Variants in SHOC1 observed in about 807,000 individuals in gnomAD.
The protein encoded by SHOC1 is protein shortage in chiasmata 1 ortholog.
A neutral mutation model predicts 179.2 loss-of-function variants in SHOC1; 136 were observed. The ratio of observed to expected loss-of-function variants is 0.76; its 90% CI spans 0.66 to 0.87. The LOEUF (loss-of-function observed/expected upper bound fraction) is 0.87. Among genes scored for constraint, SHOC1 ranks in the 40% least tolerant of loss-of-function variants. The pLI is 0.00. For missense variants in SHOC1, 1,538 were observed against 1,700.8 expected, an observed-to-expected ratio of 0.90 and a Z score of 1.68; for synonymous variants, 489 against 586.6, an observed-to-expected ratio of 0.83 and a Z score of 2.41.
intron 12 of SHOC1, among the ~76,000 whole-genome samples, chr9:111,730,367 C>G (rs1277898461): frequency 1.3e-5 from 2 of 152,170 alleles, no homozygotes; most frequent in African/African-American, 2.4e-5. Context: ...GAATCACTAT[C>G]TATGGCAGCT....
At chr9:111,792,424 T>G (rs182458029) in intron 1 of SHOC1, among the ~76,000 whole-genome samples, 24 of 152,132 alleles carry the variant, frequency 1.6e-4, no homozygotes, top group Non-Finnish European at 3.4e-4. Flanking sequence ...AAATACAAAA[T>G]TTTTGTATCT....
chr9:111,788,694 G>A (rs1836348815), intron 2 of SHOC1, among the ~76,000 whole-genome samples: 1 of 151,990 alleles, frequency 6.6e-6, no homozygotes, highest in Non-Finnish European at 1.5e-5. Context: ...AGTATAATGT[G>A]GATGCTTAAC....
At position 111,762,102 on chromosome 9, in the gene SHOC1, A is replaced by T. The variant is rs115415556; in HGVS notation, c.443-3254T>A. On this transcript the variant is annotated intron_variant, in intron 5 of 27. Coordinates refer to ENST00000682961, the MANE Select transcript of SHOC1 (RefSeq NM_001378211.1). ...GTGGTCTCAAATTTGGAAATGTGTG[A>T]TATGTACATAAGATTAAAAACTGCA... Among the ~76,000 whole-genome samples the T allele has an allele frequency of 9.8e-3, 1,491 of 152,146 alleles. 25 individuals are homozygous for T. Among genetic ancestry groups the T allele is most frequent in the African/African-American group, 0.035 (1,436 of 41,486 alleles).
At chr9:111,689,343 A>ATAG (rs1554707152) in intron 27 of SHOC1, among the ~76,000 whole-genome samples, 16 of 124,266 alleles carry the variant, frequency 1.3e-4, no homozygotes, top group Admixed American at 1.2e-3. Flanking sequence ...AATAATAATA[A>ATAG]TAATAATTAT....
chr9:111,732,532 A>C lies in SHOC1; in HGVS notation c.1418-4483T>G, dbSNP rs185904411. 8.5e-5 allele frequency among the ~76,000 whole-genome samples: 13 copies of C among 152,368 alleles called. No individual in the cohort carries two copies. The East Asian group carries it at 1.9e-3, about 23-fold the overall frequency. ...GAAAAGCCCAGGGGAATTGATAAAC[A>C]AACTGTGGTATATCCATACAATGAA... On this transcript the variant is annotated intron_variant, in intron 12 of 27. Transcript: ENST00000682961.
intron 13 of SHOC1, among the ~76,000 whole-genome samples, chr9:111,724,335 A>AT (rs1564127122): frequency 6.6e-6 from 1 of 151,156 alleles, no homozygotes; most frequent in East Asian, 1.9e-4. Context: ...TAACCAGGCA[A>AT]TTCTTTTTCT....
At chr9:111,768,313 C>T (rs1001993504) in intron 5 of SHOC1, among the ~76,000 whole-genome samples, 10 of 151,890 alleles carry the variant, frequency 6.6e-5, no homozygotes, top group Admixed American at 1.3e-4. Context: ...ACAACCTCCG[C>T]CTCCAGGGTT....
chr9:111,747,650 G>A (rs1834354058), intron 9 of SHOC1, among the ~76,000 whole-genome samples: 1 of 151,814 alleles, frequency 6.6e-6, no homozygotes, highest in South Asian at 2.1e-4. Flanking sequence ...GTGTAATCTC[G>A]GCTCACTACA....
intron 12 of SHOC1, among the ~76,000 whole-genome samples, chr9:111,728,857 C>G (rs1292053573): frequency 1.3e-5 from 2 of 152,100 alleles, no homozygotes; most frequent in Non-Finnish European, 2.9e-5. Flanking sequence ...AGGAATACCT[C>G]AGAGATATTG....
intron 18 of SHOC1, among the ~76,000 whole-genome samples, chr9:111,710,655 A>G (rs1832500241): frequency 6.6e-6 from 1 of 152,146 alleles, no homozygotes; most frequent in African/African-American, 2.4e-5. Context: ...TAACACCCTT[A>G]TAGCCTGGGG....
intron 12 of SHOC1, among the ~76,000 whole-genome samples, chr9:111,730,177 C>T (rs1477416573): frequency 6.6e-6 from 1 of 152,172 alleles, no homozygotes; most frequent in Non-Finnish European, 1.5e-5. Flanking sequence ...TACATACTTG[C>T]ACCACTAAAG....
At chr9:111,719,211 G>A (rs932891806) in intron 15 of SHOC1, among the ~76,000 whole-genome samples, 4 of 152,254 alleles carry the variant, frequency 2.6e-5, no homozygotes, top group Admixed American at 2.6e-4. Flanking sequence ...GGAAAATGGA[G>A]TACAGACTAG....
intron 20 of SHOC1, 73 bp downstream of exon 20, chr9:111,706,495 A>G (rs1832279576): frequency 8.6e-7 from 1 of 1,158,138 alleles, no homozygotes; most frequent in African/African-American, 1.6e-5. Context: ...ATTTTTATCT[A>G]TAAATCATAA....
rs1832211510 is a variant in SHOC1, at chr9:111,705,319, T to C, written c.2783A>G (p.Gln928Arg). 6.3e-7 allele frequency: 1 copy of C among 1,592,644 alleles called. No homozygotes were observed. Among genetic ancestry groups the C allele is most frequent in the East Asian group, 2.3e-5 (1 of 43,604 alleles). The change falls in exon 21 of 28, where the codon CAG becomes CGG. Residue 928 changes from glutamine (Q) to arginine (R), a missense_variant. By Grantham distance (43) the Gln-to-Arg change is conservative. Coordinates refer to ENST00000682961, the MANE Select transcript of SHOC1 (RefSeq NM_001378211.1). ...DRFGGFLLEI[Q>R]IPYVFFASEG... Reference sequence around the variant, plus strand: ...AGATGCAAAAAACACATATGGAATCTGAATTTCCAAAAGAAAACCTCCAAA... The same window carrying C: ...AGATGCAAAAAACACATATGGAATCCGAATTTCCAAAAGAAAACCTCCAAA...
In SHOC1 at chr9:111,686,741, A is replaced by G. The variant is rs1483432412; in HGVS notation, c.*29T>C. 1 of 1,385,666 alleles carries G rather than the reference A, an allele frequency of 7.2e-7. No individual in the cohort carries two copies. The highest frequency in any genetic ancestry group is 1.4e-5 in the African/African-American group (1 of 70,266). The allele number at this position is 1,385,666 out of a possible 1,614,324, so 85.8% of individuals were successfully genotyped here. On this transcript the variant is annotated 3_prime_UTR_variant, in exon 28 of 28. Transcript: ENST00000682961. ...GGATTAGCATCAAAAACAGTGGAATATGGCATGTAACATTGCTCTTCTCCT... is the reference window on the plus strand; with the variant it reads ...GGATTAGCATCAAAAACAGTGGAATGTGGCATGTAACATTGCTCTTCTCCT...
At chr9:111,756,807 TGA>T (rs1159560888) in intron 7 of SHOC1, among the ~76,000 whole-genome samples, 1 of 152,154 alleles carries the variant, frequency 6.6e-6, no homozygotes, top group Non-Finnish European at 1.5e-5. Flanking sequence ...CTGCAGTAGA[TGA>T]GAGATAATAA....
intron 13 of SHOC1, among the ~76,000 whole-genome samples, chr9:111,724,948 T>C (rs1833229972): frequency 6.6e-6 from 1 of 152,208 alleles, no homozygotes; most frequent in South Asian, 2.1e-4. Flanking sequence ...TTTTTTTCTG[T>C]CCTAGGTATT....
chr9:111,743,240 C>A (rs1834122516), intron 10 of SHOC1, among the ~76,000 whole-genome samples: 2 of 151,926 alleles, frequency 1.3e-5, no homozygotes, highest in South Asian at 2.1e-4. Context: ...AATTTTAACA[C>A]CTTTTCTCCT....
intron 8 of SHOC1, among the ~76,000 whole-genome samples, chr9:111,750,683 G>A (rs1313119404): frequency 6.6e-6 from 1 of 151,982 alleles, no homozygotes; most frequent in African/African-American, 2.4e-5. Context: ...GCCCACTTTT[G>A]GGGGTTGTTT....
Sources: gnomAD v4.1 joint callset for allele counts (sites outside exome capture counted in the v4.1 genomes callset) on GRCh38, gnomAD v4.1.1 for gene constraint, MANE v1.5 for transcripts, NCBI Gene and HGNC (gene_info 2026-07-23, HGNC 2026-07-21) for gene names.